The following HASPIN variants were observed in gnomAD, a reference collection of about 807,000 sequenced individuals.
HASPIN encodes histone H3 associated protein kinase.
Under a neutral mutation model 28.8 loss-of-function variants are expected in HASPIN, and 24 were observed. The observed-to-expected ratio is 0.83, with a 90% CI of 0.60 to 1.17. The LOEUF is 1.17. HASPIN is among the 50% of genes most tolerant of loss of function. The probability of loss-of-function intolerance (pLI) is 0.00; values close to 1 mark genes in which losing one functional copy is unlikely to be tolerated. For missense variants in HASPIN, 1,016 were observed against 1,018.5 expected (o/e 1.00, Z 0.03); for synonymous variants, 440 against 413.1 (o/e 1.07, Z -0.79).
rs146042838 is a variant in HASPIN, at chr17:3,726,047, T to C, written c.2112T>C (p.Val704=). ...ERDGIVVFCD[V]SMDEDLFTGD... is the part of the protein sequence containing the mutation. ...ATGGGATTGTGGTTTTCTGTGACGT[T>C]TCCATGGATGAGGACCTGTTTACCG... Residue 704 remains valine, a synonymous_variant, in exon 1 of 1, where the codon GTT becomes GTC. Transcript: ENST00000325418. 2.5e-6 allele frequency: 4 copies of C among 1,614,038 alleles called. No individual in the cohort carries two copies. Among genetic ancestry groups the C allele is most frequent in the Non-Finnish European group, 2.5e-6 (3 of 1,180,042 alleles).
In HASPIN at chr17:3,725,808, G is replaced by A. The variant is rs2143008594; in HGVS notation, c.1873G>A (p.Ala625Thr). 6.2e-7 allele frequency: 1 copy of A among 1,611,270 alleles called. No individual in the cohort carries two copies. The highest frequency in any genetic ancestry group is 2.2e-5 in the East Asian group (1 of 44,846). The change falls in exon 1 of 1, where the codon GCA becomes ACA. Residue 625 changes from alanine to threonine, a missense_variant. Physicochemically the swap from Ala to Thr is moderately conservative, Grantham distance 58 (BLOSUM62 0). Around this residue, in one of 3 missense-constraint regions of HASPIN, gnomAD observed 881 missense variants for 845.5 expected, o/e 1.04. Coordinates refer to ENST00000325418, the MANE Select transcript of HASPIN (RefSeq NM_031965.2). ...AACCAAGTTGTCTTCCTTGGCTACT[G>A]CAAAGAGCATTCTACACCAGCTCAC... ...MRTKLSSLATAKSILHQLTAS... is the reference protein window; with the variant it reads ...MRTKLSSLATTKSILHQLTAS...
At position 3,724,985 on chromosome 17, in the gene HASPIN, C is replaced by G. The variant is rs377252855; in HGVS notation, c.1050C>G (p.Leu350=). Residue 350 remains leucine (L), a synonymous_variant, in exon 1 of 1, where the codon CTC becomes CTG. Coordinates refer to ENST00000325418, the MANE Select transcript of HASPIN (RefSeq NM_031965.2). ...SKHQEATETS[L]LHSHRFKKGQ... is the part of the protein sequence containing the mutation. ...ATCAGGAGGCAACGGAAACCTCTCT[C>G]CTCCATTCCCACCGCTTTAAAAAGG... 6.2e-7 allele frequency: 1 copy of G among 1,614,144 alleles called. No homozygotes were observed. Among genetic ancestry groups the G allele is most frequent in the African/African-American group, 1.3e-5 (1 of 75,038 alleles).
rs1224363760 is a variant in HASPIN at position 3,724,660 on chromosome 17, G to C, written c.725G>C (p.Arg242Thr). 1 of 1,614,220 alleles carries C rather than the reference G, an allele frequency of 6.2e-7. No homozygotes were observed. Among genetic ancestry groups the C allele is most frequent in the Admixed American group, 1.7e-5 (1 of 60,026 alleles). ...GTCCACCAAACCCGCGCCAGCCTCA[G>C]GTCAGTTCTCTTTGGCCTTATGAAC... ...RMVHQTRASL[R>T]SVLFGLMNSG... The change falls in exon 1 of 1, where the codon AGG becomes ACG. Residue 242 changes from arginine (R) to threonine (T), a missense_variant. By Grantham distance (71) the Arg-to-Thr change is moderately conservative. Coordinates refer to ENST00000325418, the MANE Select transcript of HASPIN (RefSeq NM_031965.2).
rs1409291979 is a variant in HASPIN, at chr17:3,726,642, A to G, written c.*310A>G. The G allele has an allele frequency of 3.5e-6, 1 of 288,600 alleles. No individual in the cohort carries two copies. The highest frequency in any genetic ancestry group is 6.4e-6 in the Non-Finnish European group (1 of 156,516). The allele number at this position is 288,600 out of a possible 1,614,324, so 17.9% of individuals were successfully genotyped here. ...CAAGAGTTCATATCTAGCCTGGTCA[A>G]CATAGCAAGACCCCTGTCTCTATTT... On this transcript the variant is annotated 3_prime_UTR_variant, in exon 1 of 1. Transcript: ENST00000325418.
chr17:3,726,289 G>T lies in HASPIN; in HGVS notation c.2354G>T (p.Ser785Ile). The change falls in exon 1 of 1, where the codon AGC becomes ATC. Residue 785 changes from serine to isoleucine, a missense_variant. Physicochemically the swap from Ser to Ile is moderately radical, Grantham distance 142. Around this residue, in one of 3 missense-constraint regions of HASPIN, gnomAD observed 129 missense variants for 156.2 expected, o/e 0.83. Coordinates refer to ENST00000325418, the MANE Select transcript of HASPIN (RefSeq NM_031965.2). ...QEFHRTMLNF[S>I]SATDLLCQHS... ...TTCCACAGGACAATGCTGAACTTCA[G>T]CTCTGCCACTGACTTGCTCTGCCAG... 6.2e-7 allele frequency: 1 copy of T among 1,613,998 alleles called. No individual in the cohort carries two copies. The highest frequency in any genetic ancestry group is 8.5e-7 in the Non-Finnish European group (1 of 1,179,918).
At position 3,725,139 on chromosome 17, in the gene HASPIN, G is replaced by GTC. The variant is rs1380328580; in HGVS notation, c.1206_1207dup (p.Cys403SerfsTer25). The GTC allele has an allele frequency of 1.2e-6, 2 of 1,614,050 alleles. No individual in the cohort carries two copies. The highest frequency in any genetic ancestry group is 1.7e-6 in the Non-Finnish European group (2 of 1,180,032). On this transcript the variant is annotated frameshift_variant, in exon 1 of 1. Coordinates refer to ENST00000325418, the MANE Select transcript of HASPIN (RefSeq NM_031965.2). LOFTEE classifies it high-confidence loss of function. ...GAAAATTGTGACTGATGTGTCAGAG[G>GTC]TCTGCAGCATCTATACCACTGCCAC...
rs1171143756 is a variant in HASPIN, at chr17:3,724,291, G to C, written c.356G>C (p.Arg119Pro). 1.9e-6 allele frequency: 3 copies of C among 1,587,018 alleles called. No individual in the cohort carries two copies. The highest frequency in any genetic ancestry group is 2.6e-6 in the Non-Finnish European group (3 of 1,174,018). Reference protein sequence around the residue: ...LTVTPRRLGLRARPPQKCSTP... With the variant: ...LTVTPRRLGLPARPPQKCSTP... ...GTGACCCCAAGACGCCTGGGGCTGC[G>C]AGCTCGGCCCCCGCAGAAGTGCAGC... Residue 119 changes from arginine to proline, a missense_variant, in exon 1 of 1, where the codon CGA (arginine) becomes CCA (proline). Arg to Pro is a moderately radical substitution (Grantham distance 103). This residue lies in a region of HASPIN where 881 missense variants were observed against 845.5 expected (regional missense o/e 1.04). Coordinates refer to ENST00000325418, the MANE Select transcript of HASPIN (RefSeq NM_031965.2).
rs990174898 is a variant in HASPIN at position 3,724,214 on chromosome 17, C to T, written c.279C>T (p.Ser93=). The change falls in exon 1 of 1, where the codon AGC becomes AGT. Residue 93 remains serine, a synonymous_variant. Coordinates refer to ENST00000325418, the MANE Select transcript of HASPIN (RefSeq NM_031965.2). ...PGGRVPKDRP[S]LTVTPKRWKL... is the part of the protein sequence containing the mutation. ...GCCGAGTGCCCAAGGACCGGCCCAG[C>T]CTGACCGTGACCCCAAAGCGCTGGA... The T allele has an allele frequency of 6.3e-7, 1 of 1,593,062 alleles. No individual in the cohort carries two copies.
rs147510645 is a variant in HASPIN at position 3,725,865 on chromosome 17, C to T, written c.1930C>T (p.Arg644Cys). Residue 644 changes from arginine to cysteine, a missense_variant, in exon 1 of 1, where the codon CGC (arginine) becomes TGC (cysteine). Physicochemically the swap from Arg to Cys is radical, Grantham distance 180. Coordinates refer to ENST00000325418, the MANE Select transcript of HASPIN (RefSeq NM_031965.2). ...ASLAVAEASL[R>C]FEHRDLHWGN... ...CCTCGCAGTGGCAGAGGCATCACTG[C>T]GCTTTGAGCACCGAGACTTACACTG... is the stretch of plus-strand genomic sequence containing the variant. 4.0e-5 allele frequency: 64 copies of T among 1,600,034 alleles called. No individual in the cohort carries two copies. The highest frequency in any genetic ancestry group is 1.7e-4 in the Middle Eastern group (1 of 6,022).
At position 3,726,025 on chromosome 17, in the gene HASPIN, G is replaced by A. The variant is rs2051202975; in HGVS notation, c.2090G>A (p.Gly697Glu). 6.2e-7 allele frequency: 1 copy of A among 1,613,976 alleles called. No individual in the cohort carries two copies. Among genetic ancestry groups the A allele is most frequent in the Non-Finnish European group, 8.5e-7 (1 of 1,180,040 alleles). ...ACCCTGTCGCGCTTGGAACGGGATGGGATTGTGGTTTTCTGTGACGTTTCC... is the reference window on the plus strand; with the variant it reads ...ACCCTGTCGCGCTTGGAACGGGATGAGATTGTGGTTTTCTGTGACGTTTCC... ...DYTLSRLERD[G>E]IVVFCDVSMD... The change falls in exon 1 of 1, where the codon GGG becomes GAG. Residue 697 changes from glycine (G) to glutamate (E), a missense_variant. Transcript: ENST00000325418.
rs757369046 is a variant in HASPIN at position 3,725,044 on chromosome 17, A to G, written c.1109A>G (p.Gln370Arg). Residue 370 changes from glutamine (Q) to arginine (R), a missense_variant, in exon 1 of 1, where the codon CAG (glutamine) becomes CGG (arginine). Gln to Arg is a conservative substitution (Grantham distance 43). Around this residue, in one of 3 missense-constraint regions of HASPIN, gnomAD observed 881 missense variants for 845.5 expected, o/e 1.04. Transcript: ENST00000325418. Reference protein sequence around the residue: ...QKLGKDSFPTQDLTPLQNVCF... With the variant: ...QKLGKDSFPTRDLTPLQNVCF... ...CTGGGAAAAGATTCGTTCCCCACCCAGGACCTGACTCCTTTACAGAATGTC... is the reference window on the plus strand; with the variant it reads ...CTGGGAAAAGATTCGTTCCCCACCCGGGACCTGACTCCTTTACAGAATGTC... 7 of 1,614,242 alleles carry G rather than the reference A, an allele frequency of 4.3e-6. No individual in the cohort carries two copies. Among genetic ancestry groups the G allele is most frequent in the Non-Finnish European group, 5.9e-6 (7 of 1,180,030 alleles).
chr17:3,725,040 A>G lies in HASPIN; in HGVS notation c.1105A>G (p.Thr369Ala). 1 of 1,614,204 alleles carries G rather than the reference A, an allele frequency of 6.2e-7. No individual in the cohort carries two copies. Among genetic ancestry groups the G allele is most frequent in the African/African-American group, 1.3e-5 (1 of 75,056 alleles). ...GQKLGKDSFP[T>A]QDLTPLQNVC... ...AAAGCTGGGAAAAGATTCGTTCCCCACCCAGGACCTGACTCCTTTACAGAA... is the reference window on the plus strand; with the variant it reads ...AAAGCTGGGAAAAGATTCGTTCCCCGCCCAGGACCTGACTCCTTTACAGAA... Residue 369 changes from threonine to alanine, a missense_variant, in exon 1 of 1, where the codon ACC (threonine) becomes GCC (alanine). Thr to Ala is a moderately conservative substitution (Grantham distance 58). Around this residue, in one of 3 missense-constraint regions of HASPIN, gnomAD observed 881 missense variants for 845.5 expected, o/e 1.04. Coordinates refer to ENST00000325418, the MANE Select transcript of HASPIN (RefSeq NM_031965.2).
In HASPIN at chr17:3,724,980, T is replaced by G. The variant is rs1271502090; in HGVS notation, c.1045T>G (p.Ser349Ala). ...KSKHQEATET[S>A]LLHSHRFKKG... is the part of the protein sequence containing the mutation. Reference sequence around the variant, plus strand: ...CAAACATCAGGAGGCAACGGAAACCTCTCTCCTCCATTCCCACCGCTTTAA... The same window carrying G: ...CAAACATCAGGAGGCAACGGAAACCGCTCTCCTCCATTCCCACCGCTTTAA... Residue 349 changes from serine (S) to alanine (A), a missense_variant, in exon 1 of 1, where the codon TCT becomes GCT. Physicochemically the swap from Ser to Ala is moderately conservative, Grantham distance 99. This residue lies in a region of HASPIN where 881 missense variants were observed against 845.5 expected (regional missense o/e 1.04). Coordinates refer to ENST00000325418, the MANE Select transcript of HASPIN (RefSeq NM_031965.2). 2.5e-6 allele frequency: 4 copies of G among 1,614,038 alleles called. No individual in the cohort carries two copies. The African/African-American group carries it at 4.0e-5, about 16-fold the overall frequency.
chr17:3,724,192 G>T lies in HASPIN; in HGVS notation c.257G>T (p.Arg86Leu), dbSNP rs1283990799. The T allele has an allele frequency of 6.3e-7, 1 of 1,592,114 alleles. No homozygotes were observed. Among genetic ancestry groups the T allele is most frequent in the East Asian group, 2.2e-5 (1 of 44,456 alleles). ...CGGCGGCGGAGGCGTCCCGGCGGCCGAGTGCCCAAGGACCGGCCCAGCCTG... is the reference window on the plus strand; with the variant it reads ...CGGCGGCGGAGGCGTCCCGGCGGCCTAGTGCCCAAGGACCGGCCCAGCCTG... Reference protein sequence around the residue: ...VRRRRRRPGGRVPKDRPSLTV... With the variant: ...VRRRRRRPGGLVPKDRPSLTV... The change falls in exon 1 of 1, where the codon CGA becomes CTA. Residue 86 changes from arginine (R) to leucine (L), a missense_variant. Arg to Leu is a moderately radical substitution (Grantham distance 102). Around this residue, in one of 3 missense-constraint regions of HASPIN, gnomAD observed 881 missense variants for 845.5 expected, o/e 1.04. Transcript: ENST00000325418.
In HASPIN at chr17:3,725,662, C is replaced by G. The variant is rs752284222; in HGVS notation, c.1727C>G (p.Ala576Gly). The change falls in exon 1 of 1, where the codon GCC (alanine) becomes GGC (glycine). Residue 576 changes from alanine to glycine, a missense_variant. Physicochemically the swap from Ala to Gly is moderately conservative, Grantham distance 60. Coordinates refer to ENST00000325418, the MANE Select transcript of HASPIN (RefSeq NM_031965.2). ...QGSYPPLLLK[A>G]WDHYNSTKGS... Reference sequence around the variant, plus strand: ...TCTTACCCTCCCTTGCTCCTCAAAGCCTGGGATCACTATAATTCAACCAAA... The same window carrying G: ...TCTTACCCTCCCTTGCTCCTCAAAGGCTGGGATCACTATAATTCAACCAAA... The G allele has an allele frequency of 6.3e-7, 1 of 1,595,632 alleles. No individual in the cohort carries two copies. The highest frequency in any genetic ancestry group is 2.2e-5 in the East Asian group (1 of 44,650).
In HASPIN at chr17:3,724,781, G is replaced by A. The variant is rs2051166257; in HGVS notation, c.846G>A (p.Glu282=). The A allele has an allele frequency of 3.1e-6, 5 of 1,614,078 alleles. No individual in the cohort carries two copies. The highest frequency in any genetic ancestry group is 4.2e-6 in the Non-Finnish European group (5 of 1,179,910). The change falls in exon 1 of 1, where the codon GAG becomes GAA. Residue 282 remains glutamate (E), a synonymous_variant. Transcript: ENST00000325418. ...AACTGGTGGTGGGAAATGGACCAGA[G>A]GGTCCAGGTCTGTCAAGCACAGGCA... ...KRKLVVGNGP[E]GPGLSSTGKR... is the part of the protein sequence containing the mutation.
chr17:3,724,045 C>A lies in HASPIN; in HGVS notation c.110C>A (p.Pro37Gln), dbSNP rs769624357. 6.3e-7 allele frequency: 1 copy of A among 1,596,440 alleles called. No homozygotes were observed. Among genetic ancestry groups the A allele is most frequent in the African/African-American group, 1.3e-5 (1 of 74,486 alleles). ...PGREAAQWFP[P>Q]QDRRRFFNSS... The stretch of plus-strand genomic sequence containing the variant: ...CGGGAAGCCGCGCAGTGGTTCCCGC[C>A]GCAGGACCGGAGGCGTTTCTTCAAC... The change falls in exon 1 of 1, where the codon CCG (proline) becomes CAG (glutamine). Residue 37 changes from proline to glutamine, a missense_variant. Physicochemically the swap from Pro to Gln is moderately conservative, Grantham distance 76. Transcript: ENST00000325418.
rs780918340 is a variant in HASPIN at position 3,724,016 on chromosome 17, G to A, written c.81G>A (p.Pro27=). 1.1e-5 allele frequency: 17 copies of A among 1,591,208 alleles called. No homozygotes were observed. In the East Asian group the frequency reaches 3.9e-4, roughly 36 times the overall value. Residue 27 remains proline, a synonymous_variant, in exon 1 of 1, where the codon CCG becomes CCA. Transcript: ENST00000325418. ...GAADGRRQRR[P]GREAAQWFPP... is the part of the protein sequence containing the mutation. ...CGGACGGCAGGAGACAGCGGCGGCC[G>A]GGCCGGGAAGCCGCGCAGTGGTTCC...
chr17:3,724,100 C>T lies in HASPIN; in HGVS notation c.165C>T (p.Gly55=). Residue 55 remains glycine (G), a synonymous_variant, in exon 1 of 1, where the codon GGC becomes GGT. Transcript: ENST00000325418. ...NSSGSSDASI[G]DPSQSDDPDD... ...GCGGCAGCAGCGACGCCAGCATCGG[C>T]GACCCCTCGCAGTCCGACGATCCTG... The T allele has an allele frequency of 6.3e-7, 1 of 1,594,344 alleles. No individual in the cohort carries two copies. Among genetic ancestry groups the T allele is most frequent in the African/African-American group, 1.4e-5 (1 of 73,622 alleles).
Sources: gnomAD v4.1 joint callset for allele counts on GRCh38, gnomAD v4.1.1 for gene constraint, gnomAD v4.1.1 regional missense constraint, MANE v1.5 for transcripts, NCBI Gene and HGNC (gene_info 2026-07-23, HGNC 2026-07-21) for gene names.